Variants in THSD7B observed in about 807,000 individuals in gnomAD.
THSD7B encodes thrombospondin type-1 domain-containing protein 7B.
A neutral mutation model predicts 213.6 loss-of-function variants in THSD7B; 138 were observed. The ratio of observed to expected loss-of-function variants is 0.65; its 90% CI spans 0.56 to 0.74. The LOEUF (loss-of-function observed/expected upper bound fraction) is 0.74, where lower values mean the gene tolerates loss of function less well. THSD7B is among the 30% of genes least tolerant of loss of function. The pLI, the probability that THSD7B is intolerant of heterozygous loss-of-function variation, is 0.00. For synonymous variants in THSD7B, 742 were observed against 687.0 expected, an observed-to-expected ratio of 1.08 and a Z score of -1.25; for missense variants, 1,931 against 1,991.5, an observed-to-expected ratio of 0.97 and a Z score of 0.58.
chr2:137,585,910 C>T lies in THSD7B; in HGVS notation c.3423+13354C>T, dbSNP rs115469785. ...GGATATCCCTGTTAACTTTCTTTCT[C>T]GATCTGTCTAATGTTGACAGTGGGA... On this transcript the variant is annotated intron_variant, in intron 17 of 27. Transcript: ENST00000409968. Among the ~76,000 whole-genome samples the T allele has an allele frequency of 6.0e-3, 906 of 150,040 alleles. 9 individuals carry two copies. The highest frequency in any genetic ancestry group is 0.021 in the African/African-American group (859 of 41,264).
At chr2:136,992,564 A>C (rs1010979863) in intron 2 of THSD7B, among the ~76,000 whole-genome samples, 11 of 152,234 alleles carry the variant, frequency 7.2e-5, no homozygotes, top group African/African-American at 2.7e-4. Flanking sequence ...TTAAGGCAGC[A>C]CTACAGTGGG....
Position 137,160,387 on chromosome 2 carries a change from T to A in THSD7B, c.1525+19T>A. The A allele has an allele frequency of 6.2e-7, 1 of 1,610,014 alleles. No homozygotes were observed. Among genetic ancestry groups the A allele is most frequent in the Non-Finnish European group, 8.5e-7 (1 of 1,178,020 alleles). On this transcript the variant is annotated intron_variant, in intron 6 of 27. Transcript: ENST00000409968. The stretch of plus-strand genomic sequence containing the variant: ...AAAAAAGGTGAGTGCCTTGTTTGCA[T>A]GCGCTTCATTTGCTGTCAGCGTACA...
At chr2:137,186,502 A>G (rs1022081510) in intron 7 of THSD7B, among the ~76,000 whole-genome samples, 1 of 151,482 alleles carries the variant, frequency 6.6e-6, no homozygotes, top group Non-Finnish European at 1.5e-5. Flanking sequence ...TTATTGCTTT[A>G]TGGACTTTGG....
intron 2 of THSD7B, among the ~76,000 whole-genome samples, chr2:136,980,643 G>A (rs1252127348): frequency 6.6e-6 from 1 of 152,116 alleles, no homozygotes; most frequent in Non-Finnish European, 1.5e-5. Context: ...CCCTCCCCTG[G>A]GAACTTACTT....
At chr2:137,034,260 C>T (rs555455784) in intron 2 of THSD7B, among the ~76,000 whole-genome samples, 1 of 152,094 alleles carries the variant, frequency 6.6e-6, no homozygotes, top group Admixed American at 6.6e-5. Context: ...CCCTTCCTTA[C>T]ACCTTACGCT....
intron 5 of THSD7B, among the ~76,000 whole-genome samples, chr2:137,156,854 C>T (rs1679920813): frequency 6.6e-6 from 1 of 152,136 alleles, no homozygotes; most frequent in African/African-American, 2.4e-5. Context: ...CAGGGCCCAA[C>T]ATCAAGTACA....
rs533186836 is a variant in THSD7B, at chr2:137,166,065, C to T, written c.1526-4676C>T. Among the ~76,000 whole-genome samples, 10 of 152,132 alleles carry T rather than the reference C, an allele frequency of 6.6e-5. No homozygotes were observed. The South Asian group carries it at 2.1e-3, about 32-fold the overall frequency. On this transcript the variant is annotated intron_variant, in intron 6 of 27. Coordinates refer to ENST00000409968, the MANE Select transcript of THSD7B (RefSeq NM_001316349.2). Reference sequence around the variant, plus strand: ...TGACTTTTATTCTTAATCAGAAATCCTTCCATTAGGAATCATGGAAGGCTT... The same window carrying T: ...TGACTTTTATTCTTAATCAGAAATCTTTCCATTAGGAATCATGGAAGGCTT...
At chr2:137,061,042 T>A (rs1594580) in intron 3 of THSD7B, among the ~76,000 whole-genome samples, 48,714 of 149,676 alleles carry the variant, frequency 0.33, 9,684 homozygotes, top group African/African-American at 0.56. Context: ...GAGGGTTTTT[T>A]AAAAAAAATA....
intron 17 of THSD7B, among the ~76,000 whole-genome samples, chr2:137,584,200 C>T (rs1436599860): frequency 1.3e-5 from 2 of 152,146 alleles, no homozygotes; most frequent in African/African-American, 2.4e-5. Flanking sequence ...TATCCTGAGA[C>T]TTTGCTGAAG....
chr2:137,196,129 A>G (rs185587401), intron 7 of THSD7B, among the ~76,000 whole-genome samples: 32 of 152,342 alleles, frequency 2.1e-4, no homozygotes, highest in African/African-American at 7.2e-4. Context: ...CCTTCATCAC[A>G]GAACAAGAAA....
At chr2:136,968,090 T>C (rs1214272557) in intron 2 of THSD7B, among the ~76,000 whole-genome samples, 2 of 152,166 alleles carry the variant, frequency 1.3e-5, no homozygotes, top group Non-Finnish European at 2.9e-5. Flanking sequence ...TATGACTGTA[T>C]CATGATATGG....
chr2:137,508,781 A>G (rs1679895285), intron 15 of THSD7B, among the ~76,000 whole-genome samples: 1 of 152,012 alleles, frequency 6.6e-6, no homozygotes, highest in South Asian at 2.1e-4. Context: ...TCTCAGGGAA[A>G]CTTATGGGTT....
chr2:137,113,467 G>C (rs963947223), intron 4 of THSD7B, among the ~76,000 whole-genome samples: 1 of 151,856 alleles, frequency 6.6e-6, no homozygotes, highest in Non-Finnish European at 1.5e-5. Flanking sequence ...TCGGAGTTTT[G>C]CTCTCGTTGC....
intron 1 of THSD7B, among the ~76,000 whole-genome samples, chr2:136,822,313 T>C (rs1190454171): frequency 1.3e-5 from 2 of 152,224 alleles, no homozygotes; most frequent in Non-Finnish European, 2.9e-5. Flanking sequence ...CGGCCGTTTG[T>C]GTATTGACAT....
At chr2:137,378,981 C>T (rs1243360591) in intron 12 of THSD7B, among the ~76,000 whole-genome samples, 2 of 152,014 alleles carry the variant, frequency 1.3e-5, no homozygotes, top group Non-Finnish European at 2.9e-5. Context: ...AATGCTTATT[C>T]TTGTCAGTCT....
chr2:137,163,257 A>G (rs1316812353), intron 6 of THSD7B, among the ~76,000 whole-genome samples: 1 of 152,182 alleles, frequency 6.6e-6, no homozygotes, highest in Non-Finnish European at 1.5e-5. Flanking sequence ...GTTGAATGGT[A>G]TGCCCCCAAA....
chr2:136,804,640 C>T (rs923364023), intron 1 of THSD7B, among the ~76,000 whole-genome samples: 1 of 152,058 alleles, frequency 6.6e-6, no homozygotes. Context: ...TGTTTGAGAG[C>T]TTTAGGTTGT....
chr2:136,896,064 G>A (rs985942850), intron 2 of THSD7B, among the ~76,000 whole-genome samples: 2 of 152,136 alleles, frequency 1.3e-5, no homozygotes, highest in African/African-American at 4.8e-5. Flanking sequence ...GGCATAACAT[G>A]CAAATTTTGG....
chr2:137,272,734 A>G, intron 11 of THSD7B, 72 bp downstream of exon 11: 1 of 1,513,056 alleles, frequency 6.6e-7, no homozygotes, highest in Non-Finnish European at 8.9e-7. Context: ...CACATAACAT[A>G]TGGTCGTTTG....
Sources: allele counts gnomAD v4.1 joint callset (sites outside exome capture counted in the v4.1 genomes callset), GRCh38; gene constraint gnomAD v4.1.1; transcripts MANE v1.5; gene names NCBI Gene and HGNC (gene_info 2026-07-23, HGNC 2026-07-21).